The following NFIA variants were observed in gnomAD, a reference collection of about 807,000 sequenced individuals.
NFIA encodes the protein nuclear factor 1 A-type.
NFIA carries 8 observed loss-of-function variants against 62.8 expected under a neutral mutation model. The ratio of observed to expected loss-of-function variants is 0.13; its 90% confidence interval spans 0.07 to 0.23. The LOEUF (loss-of-function observed/expected upper bound fraction) is 0.23, where lower values mean the gene tolerates loss of function less well. NFIA is among the 10% of genes least tolerant of loss of function. The probability of loss-of-function intolerance (pLI) is 1.00; values close to 1 mark genes in which losing one functional copy is unlikely to be tolerated. For missense variants in NFIA, 410 were observed against 642.1 expected (o/e 0.64, Z 3.91); for synonymous variants, 235 against 238.1 (o/e 0.99, Z 0.12).
intron 7 of NFIA, among the ~76,000 whole-genome samples, chr1:61,395,492 G>A (rs1665223065): frequency 1.3e-5 from 2 of 152,008 alleles, no homozygotes; most frequent in African/African-American, 4.8e-5. Context: ...CCAATCTATG[G>A]TGGTTAGTTT....
intron 2 of NFIA, among the ~76,000 whole-genome samples, chr1:61,096,593 C>T (rs2100428301): frequency 7.9e-6 from 1 of 127,172 alleles, no homozygotes; most frequent in Non-Finnish European, 1.6e-5. Context: ...TGCTCTGTCA[C>T]CCAGGCTGGA....
chr1:61,112,223 T>C (rs1037690611), intron 2 of NFIA, among the ~76,000 whole-genome samples: 3 of 152,118 alleles, frequency 2.0e-5, no homozygotes, highest in Non-Finnish European at 4.4e-5. Flanking sequence ...ATGTTTTCAA[T>C]TTTCTTAATA....
chr1:61,230,024 A>G (rs1654573225), intron 2 of NFIA, among the ~76,000 whole-genome samples: 1 of 152,184 alleles, frequency 6.6e-6, no homozygotes, highest in Admixed American at 6.5e-5. Context: ...ATGACTTAGA[A>G]ATAAGAATTA....
At chr1:61,266,600 A>G (rs763194010) in intron 2 of NFIA, among the ~76,000 whole-genome samples, 16 of 151,846 alleles carry the variant, frequency 1.1e-4, no homozygotes, top group Admixed American at 4.6e-4. Flanking sequence ...GTTTCTCCAT[A>G]TTGGCCAGGC....
At chr1:61,133,822 C>T (rs1236216083) in intron 2 of NFIA, among the ~76,000 whole-genome samples, 2 of 151,586 alleles carry the variant, frequency 1.3e-5, no homozygotes, top group African/African-American at 4.8e-5. Flanking sequence ...CCAGCCTGGG[C>T]AACATAGTGA....
intron 7 of NFIA, among the ~76,000 whole-genome samples, chr1:61,397,721 A>G (rs2100510867): frequency 6.6e-6 from 1 of 152,360 alleles, no homozygotes; most frequent in South Asian, 2.1e-4. Context: ...AACCTGAAGC[A>G]TAGCTCGTGA....
At chr1:61,318,576 A>G (rs907609895) in intron 3 of NFIA, among the ~76,000 whole-genome samples, 5 of 152,330 alleles carry the variant, frequency 3.3e-5, no homozygotes, top group South Asian at 2.1e-4. Flanking sequence ...CCATGAAACT[A>G]AAGCCAACAC....
rs1425419786 is a variant in NFIA at position 61,406,679 on chromosome 1, C to T, written c.1372C>T (p.Pro458Ser). 6.2e-7 allele frequency: 1 copy of T among 1,613,102 alleles called. No individual in the cohort carries two copies. The highest frequency in any genetic ancestry group is 8.5e-7 in the Non-Finnish European group (1 of 1,179,632). The change falls in exon 9 of 11, where the codon CCT becomes TCT. Residue 458 changes from proline (P) to serine (S), a missense_variant. Pro to Ser is a moderately conservative substitution (Grantham distance 74, BLOSUM62 -1). Transcript: ENST00000403491. ...PVPLPVPDTKPPTTSTEGGAA... is the reference protein window; with the variant it reads ...PVPLPVPDTKSPTTSTEGGAA... The stretch of plus-strand genomic sequence containing the variant: ...GCCTCTGCCGGTGCCAGACACAAAG[C>T]CTCCAACCACGTCAACAGAAGGAGG...
Position 61,309,961 on chromosome 1 carries a change from A to G in NFIA, c.626-22551A>G, listed in dbSNP as rs187120447. Reference sequence around the variant, plus strand: ...CTATTTTATAGAATGGTTGCATGCAATAAAAGCAGTTGCTTCTCTTTTAAC... The same window carrying G: ...CTATTTTATAGAATGGTTGCATGCAGTAAAAGCAGTTGCTTCTCTTTTAAC... On this transcript the variant is annotated intron_variant, in intron 3 of 10. Transcript: ENST00000403491. Among the ~76,000 whole-genome samples, 36 of 152,348 alleles carry G rather than the reference A, an allele frequency of 2.4e-4. No individual in the cohort carries two copies. In the East Asian group the frequency reaches 5.6e-3, roughly 24 times the overall value.
At chr1:61,222,916 AC>A (rs534169786) in intron 2 of NFIA, among the ~76,000 whole-genome samples, 1 of 152,194 alleles carries the variant, frequency 6.6e-6, no homozygotes, top group African/African-American at 2.4e-5. Context: ...CTGAGGCTAT[AC>A]AAATGTTTTT....
At chr1:61,245,346 T>C (rs775569819) in intron 2 of NFIA, among the ~76,000 whole-genome samples, 2 of 152,126 alleles carry the variant, frequency 1.3e-5, no homozygotes, top group Non-Finnish European at 2.9e-5. Context: ...CCTGAAAACA[T>C]TTCCATAAAT....
At chr1:61,341,727 C>G (rs553145014) in intron 4 of NFIA, among the ~76,000 whole-genome samples, 2 of 152,348 alleles carry the variant, frequency 1.3e-5, no homozygotes, top group East Asian at 3.9e-4. Flanking sequence ...ATCTGCCTGC[C>G]TTGGCCTCCC....
At chr1:61,109,353 A>G (rs1570170352) in intron 2 of NFIA, among the ~76,000 whole-genome samples, 2 of 151,850 alleles carry the variant, frequency 1.3e-5, no homozygotes, top group Admixed American at 1.3e-4. Flanking sequence ...CCCAACTGTC[A>G]TTGTTCACAA....
At chr1:61,214,238 G>A (rs992326769) in intron 2 of NFIA, among the ~76,000 whole-genome samples, 8 of 151,990 alleles carry the variant, frequency 5.3e-5, no homozygotes, top group South Asian at 4.1e-4. Context: ...CTTTTGTTCC[G>A]CAAAGGGTTT....
intron 2 of NFIA, among the ~76,000 whole-genome samples, chr1:61,161,677 ACT>A (rs1325109347): frequency 3.3e-5 from 5 of 151,692 alleles, no homozygotes; most frequent in Non-Finnish European, 7.4e-5. Context: ...TCAGGATGTA[ACT>A]CTGTCACAAG....
intron 4 of NFIA, among the ~76,000 whole-genome samples, chr1:61,346,008 T>C (rs987873499): frequency 6.6e-5 from 10 of 152,162 alleles, no homozygotes; most frequent in Non-Finnish European, 1.5e-4. Flanking sequence ...TCCAGTGACT[T>C]AATCAAGTAA....
At position 61,379,884 on chromosome 1, in the gene NFIA, G is replaced by A. The variant is rs143463300; in HGVS notation, c.947-3353G>A. 3.9e-5 allele frequency among the ~76,000 whole-genome samples: 6 copies of A among 152,200 alleles called. No homozygotes were observed. In the East Asian group the frequency reaches 9.7e-4, roughly 25 times the overall value. ...CACAAATACCAATGATGAATTTGAA[G>A]GAATCTTTGTGAATAGTGCATTTGA... On this transcript the variant is annotated intron_variant, in intron 6 of 10. Transcript: ENST00000403491.
At chr1:61,298,689 T>G (rs768636567) in intron 3 of NFIA, among the ~76,000 whole-genome samples, 2 of 152,170 alleles carry the variant, frequency 1.3e-5, no homozygotes, top group Non-Finnish European at 2.9e-5. Flanking sequence ...ATAATAATAC[T>G]ACCTACCTCA....
intron 2 of NFIA, among the ~76,000 whole-genome samples, chr1:61,132,278 A>G (rs1347986277): frequency 6.6e-6 from 1 of 152,174 alleles, no homozygotes. Context: ...TTTTAACTTC[A>G]TCCCATAAAT....
Sources: allele counts gnomAD v4.1 joint callset (sites outside exome capture counted in the v4.1 genomes callset), GRCh38; gene constraint gnomAD v4.1.1; transcripts MANE v1.5; gene names NCBI Gene and HGNC (gene_info 2026-07-23, HGNC 2026-07-21).